VPS53: variants seen among roughly 807,000 people sequenced by gnomAD.
VPS53 encodes vacuolar protein sorting-associated protein 53 homolog.
In VPS53, 70 loss-of-function variants were observed where a neutral mutation model predicts 107.0. That is an observed-to-expected ratio of 0.65 (90% confidence interval 0.54 to 0.80). The LOEUF (loss-of-function observed/expected upper bound fraction) is 0.80, where lower values mean the gene tolerates loss of function less well. VPS53 is among the 30% of genes least tolerant of loss of function. The probability of loss-of-function intolerance (pLI) is 0.00; values close to 1 mark genes in which losing one functional copy is unlikely to be tolerated. For missense variants in VPS53, 917 were observed against 1,049.4 expected, an observed-to-expected ratio of 0.87 and a Z score of 1.74; for synonymous variants, 409 against 393.3, an observed-to-expected ratio of 1.04 and a Z score of -0.47.
At chr17:658,298 T>C (rs1260608810) in intron 5 of VPS53, among the ~76,000 whole-genome samples, 1 of 128,794 alleles carries the variant, frequency 7.8e-6, no homozygotes, top group Non-Finnish European at 1.7e-5. Context: ...AGTTCGTGGA[T>C]AGATACATCC....
At chr17:589,591 C>T (rs1967526872) in intron 12 of VPS53, among the ~76,000 whole-genome samples, 1 of 152,082 alleles carries the variant, frequency 6.6e-6, no homozygotes. Flanking sequence ...TGTAACTTTT[C>T]TCTTAGTTTG....
intron 13 of VPS53, among the ~76,000 whole-genome samples, chr17:571,552 CT>C (rs1345212811): frequency 2.8e-4 from 30 of 106,864 alleles, no homozygotes; most frequent in Admixed American, 2.5e-3. Flanking sequence ...TCCCCACGGT[CT>C]CCCTCTCCCT....
intron 4 of VPS53, among the ~76,000 whole-genome samples, chr17:691,819 T>C (rs902454000): frequency 6.6e-6 from 1 of 152,192 alleles, no homozygotes; most frequent in African/African-American, 2.4e-5. Flanking sequence ...GTCATAATTG[T>C]GCTATTTTAT....
chr17:700,106 C>T (rs1024399117), intron 2 of VPS53, among the ~76,000 whole-genome samples: 39 of 151,970 alleles, frequency 2.6e-4, no homozygotes, highest in Non-Finnish European at 3.7e-4. Context: ...AATAAATACA[C>T]AAATTTATTT....
At position 547,636 on chromosome 17, in the gene VPS53, C is replaced by CTAAAAATAT. The variant is rs1410031290; in HGVS notation, c.1866+4235_1866+4236insATATTTTTA. 4.6e-5 allele frequency among the ~76,000 whole-genome samples: 7 copies of CTAAAAATAT among 152,128 alleles called. No homozygotes were observed. The East Asian group carries it at 1.4e-3, about 29-fold the overall frequency. On this transcript the variant is annotated intron_variant, in intron 17 of 21. Transcript: ENST00000437048. ...ATATACTAAAAACAACTAAATTGTA[C>CTAAAAATAT]ACTTTATTTATTTATTTATAAAATA...
chr17:512,632 A>T lies in VPS53; in HGVS notation c.*6496T>A, dbSNP rs747846487. 1 of 152,194 alleles carries T rather than the reference A, an allele frequency of 6.6e-6. No individual in the cohort carries two copies. The highest frequency in any genetic ancestry group is 6.5e-5 in the Admixed American group (1 of 15,276). The allele number at this position is 152,194 out of a possible 1,614,324, so 9.4% of individuals were successfully genotyped here. On this transcript the variant is annotated 3_prime_UTR_variant, in exon 22 of 22. Coordinates refer to ENST00000437048, the MANE Select transcript of VPS53 (RefSeq NM_001128159.3). ...TCCCTAGTAAAGTGGGGAGCTGTTG[A>T]AAAGAAAGAATGGAAACGAGGTAAT...
chr17:577,331 T>C lies in VPS53; in HGVS notation c.1313+8939A>G, dbSNP rs371370430. 1.0e-3 allele frequency among the ~76,000 whole-genome samples: 151 copies of C among 149,972 alleles called. 1 individual carries two copies. Among genetic ancestry groups the C allele is most frequent in the South Asian group, 7.7e-3 (36 of 4,694 alleles). Reference sequence around the variant, plus strand: ...TAGAGAATCTCCCACAGAACCTCAATGAGTTACCACAGAACCTCCCTCAGG... The same window carrying C: ...TAGAGAATCTCCCACAGAACCTCAACGAGTTACCACAGAACCTCCCTCAGG... On this transcript the variant is annotated intron_variant, in intron 13 of 21. Transcript: ENST00000437048.
intron 4 of VPS53, among the ~76,000 whole-genome samples, chr17:684,739 C>A (rs1972522752): frequency 6.6e-6 from 1 of 152,120 alleles, no homozygotes; most frequent in Admixed American, 6.5e-5. Flanking sequence ...GTAATCCCAG[C>A]ATTTTGGGAG....
chr17:679,331 C>T (rs946316432), intron 4 of VPS53, among the ~76,000 whole-genome samples: 5 of 151,732 alleles, frequency 3.3e-5, no homozygotes, highest in African/African-American at 7.3e-5. Flanking sequence ...CTGGCCAACA[C>T]GGTGAAACCC....
intron 11 of VPS53, chr17:615,902 G>A (rs567227783): frequency 2.6e-5 from 4 of 152,312 alleles, no homozygotes; most frequent in South Asian, 2.1e-4. Context: ...GAGCATGGTC[G>A]GTAGCCATGA....
intron 13 of VPS53, among the ~76,000 whole-genome samples, chr17:577,569 G>T (rs966274511): frequency 3.3e-5 from 5 of 149,320 alleles, no homozygotes; most frequent in African/African-American, 1.2e-4. Flanking sequence ...CGTTCGCAGA[G>T]AAACTCCCTC....
intron 4 of VPS53, among the ~76,000 whole-genome samples, chr17:693,555 C>G (rs776557476): frequency 9.9e-5 from 15 of 152,094 alleles, no homozygotes; most frequent in Non-Finnish European, 2.1e-4. Flanking sequence ...GAACCCATCT[C>G]TACCAAAAAT....
At chr17:566,720 GTTTTTTTTGT>G (rs902023558) in intron 13 of VPS53, among the ~76,000 whole-genome samples, 9 of 151,180 alleles carry the variant, frequency 6.0e-5, no homozygotes, top group Non-Finnish European at 1.0e-4. Flanking sequence ...TGACATGGGT[GTTTTTTTTGT>G]TTTTTTTTGT....
chr17:656,781 C>A (rs1197898094), intron 5 of VPS53: 4 of 1,191,088 alleles, frequency 3.4e-6, no homozygotes, highest in Non-Finnish European at 5.0e-6. Flanking sequence ...TAACATGTCA[C>A]CCACGGACCA....
chr17:519,056 G>A lies in VPS53; in HGVS notation c.*72C>T, dbSNP rs1597236737. On this transcript the variant is annotated 3_prime_UTR_variant, in exon 22 of 22. Transcript: ENST00000437048. This position sits in a 1 kb window ranked among gnomAD's most constrained non-coding sequence, Gnocchi z 5.0. Reference sequence around the variant, plus strand: ...CGATGTGAGAGTGCCGGGGAGCACAGGAGAGGTTGGGGGCTTCTGGGGAAC... The same window carrying A: ...CGATGTGAGAGTGCCGGGGAGCACAAGAGAGGTTGGGGGCTTCTGGGGAAC... 3.5e-6 allele frequency: 5 copies of A among 1,430,546 alleles called. No individual in the cohort carries two copies. In the East Asian group the frequency reaches 7.7e-5, roughly 22 times the overall value. 88.6% of individuals were successfully genotyped at this position (1,430,546 alleles called of 1,614,324 possible).
rs1969561940 is a variant in VPS53 at position 623,573 on chromosome 17, G to A, written c.1076C>T (p.Ala359Val). 1 of 1,613,760 alleles carries A rather than the reference G, an allele frequency of 6.2e-7. No individual in the cohort carries two copies. Among genetic ancestry groups the A allele is most frequent in the Non-Finnish European group, 8.5e-7 (1 of 1,179,722 alleles). The change falls in exon 11 of 22, where the codon GCA becomes GTA. Residue 359 changes from alanine to valine, a missense_variant. Physicochemically the swap from Ala to Val is moderately conservative, Grantham distance 64. Transcript: ENST00000437048. Reference sequence around the variant, plus strand: ...CAGGGTGCAGCCGGAGAAGCGTTTTGCAAGAAACCCCTCAAAGTTAGTTGT... The same window carrying A: ...CAGGGTGCAGCCGGAGAAGCGTTTTACAAGAAACCCCTCAAAGTTAGTTGT... ...QRTTNFEGFLAKRFSGCTLTD... is the reference protein window; with the variant it reads ...QRTTNFEGFLVKRFSGCTLTD...
At chr17:579,547 A>G (rs1292367622) in intron 13 of VPS53, among the ~76,000 whole-genome samples, 1 of 149,832 alleles carries the variant, frequency 6.7e-6, no homozygotes, top group Non-Finnish European at 1.5e-5. Flanking sequence ...AACTTCCCTC[A>G]GGACCTCAAT....
At chr17:604,356 CT>C (rs1968465444) in intron 11 of VPS53, among the ~76,000 whole-genome samples, 1 of 152,142 alleles carries the variant, frequency 6.6e-6, no homozygotes, top group Non-Finnish European at 1.5e-5. Context: ...CCTACTCTCG[CT>C]GGCGTAAAGC....
intron 4 of VPS53, among the ~76,000 whole-genome samples, chr17:694,313 G>T (rs1047072985): frequency 7.2e-5 from 11 of 152,200 alleles, no homozygotes; most frequent in Non-Finnish European, 1.0e-4. Context: ...AATACGGGAT[G>T]GGGGAGAACG....
Sources: allele counts gnomAD v4.1 joint callset (sites outside exome capture counted in the v4.1 genomes callset), GRCh38; gene constraint gnomAD v4.1.1; non-coding constraint Gnocchi (gnomAD v3.1); transcripts MANE v1.5; gene names NCBI Gene and HGNC (gene_info 2026-07-23, HGNC 2026-07-21).